Variants in DLGAP1 observed in about 807,000 individuals in gnomAD.
DLGAP1 encodes the protein disks large-associated protein 1.
In DLGAP1, 11 loss-of-function variants were observed where a neutral mutation model predicts 90.8. The observed-to-expected ratio is 0.12, with a 90% CI of 0.08 to 0.20. DLGAP1 has a LOEUF of 0.20. Among genes scored for constraint, DLGAP1 ranks in the 10% least tolerant of loss-of-function variants. The pLI is 1.00. For synonymous variants in DLGAP1, 558 were observed against 540.7 expected (o/e 1.03, Z -0.44); for missense variants, 1,050 against 1,333.8 (o/e 0.79, Z 3.31).
At chr18:3,667,343 A>C (rs554477968) in intron 7 of DLGAP1, among the ~76,000 whole-genome samples, 2 of 152,238 alleles carry the variant, frequency 1.3e-5, no homozygotes, top group South Asian at 4.1e-4. Context: ...CCTCACAGTC[A>C]ACAAATATTG....
chr18:3,629,164 G>A (rs946242935), intron 7 of DLGAP1, among the ~76,000 whole-genome samples: 1 of 152,128 alleles, frequency 6.6e-6, no homozygotes, highest in Admixed American at 6.6e-5. Flanking sequence ...AGGCACAGTG[G>A]CTCACACCTA....
intron 1 of DLGAP1, among the ~76,000 whole-genome samples, chr18:4,186,330 T>C (rs575734638): frequency 1.3e-5 from 2 of 152,308 alleles, no homozygotes; most frequent in Non-Finnish European, 2.9e-5. Context: ...GCTTTTAGCA[T>C]CTTTGTCATC....
intron 4 of DLGAP1, among the ~76,000 whole-genome samples, chr18:3,858,818 T>C (rs2069842244): frequency 6.6e-6 from 1 of 152,162 alleles, no homozygotes; most frequent in East Asian, 1.9e-4. Context: ...TTAGAGGGCA[T>C]ACCATCTCAC....
intron 1 of DLGAP1, among the ~76,000 whole-genome samples, chr18:4,250,992 C>T (rs1019797548): frequency 2.6e-5 from 4 of 151,816 alleles, no homozygotes; most frequent in African/African-American, 4.8e-5. Context: ...AAAGAGATCA[C>T]AAAAACACAA....
intron 7 of DLGAP1, among the ~76,000 whole-genome samples, chr18:3,656,913 A>AT (rs2059509144): frequency 1.3e-5 from 2 of 151,776 alleles, no homozygotes; most frequent in South Asian, 2.1e-4. Flanking sequence ...CGCCCGGCTA[A>AT]TTTTTTGTAT....
intron 2 of DLGAP1, among the ~76,000 whole-genome samples, chr18:4,118,685 A>C (rs978114533): frequency 8.6e-5 from 13 of 151,756 alleles, no homozygotes; most frequent in Non-Finnish European, 1.6e-4. Context: ...GAAGAGTCTC[A>C]TTTTCTTGGT....
At position 4,211,437 on chromosome 18, in the gene DLGAP1, T is replaced by C. The variant is rs540962048; in HGVS notation, c.-266-60150A>G. ...GGGTTATCAAGGGAGATTGTTTAAT[T>C]ACCATTTTTGGTAGGTCCTTAGTTT... On this transcript the variant is annotated intron_variant, in intron 1 of 12. Transcript: ENST00000315677. 2.0e-5 allele frequency among the ~76,000 whole-genome samples: 3 copies of C among 152,306 alleles called. No individual in the cohort carries two copies. The South Asian group carries it at 6.2e-4, about 32-fold the overall frequency.
chr18:4,317,292 C>G (rs990760772), intron 1 of DLGAP1, among the ~76,000 whole-genome samples: 2 of 152,074 alleles, frequency 1.3e-5, no homozygotes, highest in Non-Finnish European at 2.9e-5. Context: ...TTATTTAATT[C>G]TTCATCTATT....
At chr18:4,030,168 T>C (rs1482908607) in intron 2 of DLGAP1, among the ~76,000 whole-genome samples, 3 of 152,100 alleles carry the variant, frequency 2.0e-5, no homozygotes, top group Non-Finnish European at 2.9e-5. Flanking sequence ...AATTTTTGTA[T>C]TTTTAGTAGA....
chr18:3,523,633 G>A (rs979558738), intron 10 of DLGAP1, among the ~76,000 whole-genome samples: 10 of 151,692 alleles, frequency 6.6e-5, no homozygotes, highest in South Asian at 2.1e-4. Flanking sequence ...GGATCACGAG[G>A]TCAGGAGATC....
At chr18:3,515,891 G>A (rs1012105420) in intron 10 of DLGAP1, among the ~76,000 whole-genome samples, 7 of 151,696 alleles carry the variant, frequency 4.6e-5, no homozygotes, top group African/African-American at 1.2e-4. Flanking sequence ...AACAGTGTTC[G>A]CAGCATCTTC....
chr18:3,889,868 T>A (rs888196978), intron 3 of DLGAP1, among the ~76,000 whole-genome samples: 1 of 152,192 alleles, frequency 6.6e-6, no homozygotes, highest in Non-Finnish European at 1.5e-5. Context: ...GGGGCAGCGT[T>A]AGCCATGGGC....
intron 7 of DLGAP1, among the ~76,000 whole-genome samples, chr18:3,584,068 T>C (rs2055731955): frequency 1.3e-5 from 2 of 152,180 alleles, no homozygotes; most frequent in Admixed American, 1.3e-4. Context: ...AGCCATTTGA[T>C]TACAACGCTG....
intron 7 of DLGAP1, among the ~76,000 whole-genome samples, chr18:3,649,304 G>T (rs1044416136): frequency 3.9e-5 from 6 of 152,216 alleles, no homozygotes; most frequent in African/African-American, 1.4e-4. Flanking sequence ...AACTGGGGCT[G>T]TGACTTGCCC....
chr18:4,186,413 T>C (rs2077296467), intron 1 of DLGAP1, among the ~76,000 whole-genome samples: 1 of 152,176 alleles, frequency 6.6e-6, no homozygotes, highest in Non-Finnish European at 1.5e-5. Flanking sequence ...TTTTGGCTTT[T>C]ACATTTAAGT....
chr18:4,317,012 G>A (rs2080546424), intron 1 of DLGAP1, among the ~76,000 whole-genome samples: 1 of 141,632 alleles, frequency 7.1e-6, no homozygotes, highest in Non-Finnish European at 1.6e-5. Flanking sequence ...CAGGTCTACT[G>A]GTGAGGTCCC....
chr18:3,560,812 T>G (rs1408726109), intron 9 of DLGAP1, among the ~76,000 whole-genome samples: 1 of 150,912 alleles, frequency 6.6e-6, no homozygotes, highest in Non-Finnish European at 1.5e-5. Flanking sequence ...ATTGAGCATT[T>G]ATGTGATTGA....
intron 10 of DLGAP1, among the ~76,000 whole-genome samples, chr18:3,516,820 C>G (rs2050871964): frequency 6.6e-6 from 1 of 152,188 alleles, no homozygotes. Flanking sequence ...TTAATCATCT[C>G]CCATCAGGTC....
intron 4 of DLGAP1, among the ~76,000 whole-genome samples, chr18:3,864,810 C>T (rs765025166): frequency 1.3e-5 from 2 of 152,198 alleles, no homozygotes; most frequent in Non-Finnish European, 2.9e-5. Context: ...GCACATGTAA[C>T]TGTTCCACCT....
Sources: gnomAD v4.1 joint callset for allele counts (sites outside exome capture counted in the v4.1 genomes callset) on GRCh38, gnomAD v4.1.1 for gene constraint, MANE v1.5 for transcripts, NCBI Gene and HGNC (gene_info 2026-07-23, HGNC 2026-07-21) for gene names.